The following CSGALNACT1 variants were observed in gnomAD, a reference collection of about 807,000 sequenced individuals.
CSGALNACT1 encodes chondroitin sulfate N-acetylgalactosaminyltransferase 1.
CSGALNACT1 carries 52 observed loss-of-function variants against 51.0 expected under a neutral mutation model. The observed-to-expected ratio is 1.02, with a 90% CI of 0.82 to 1.29. The LOEUF is 1.29. Among genes scored for constraint, CSGALNACT1 ranks in the 50% most tolerant of loss-of-function variants. The pLI is 0.00. For missense variants in CSGALNACT1, 935 were observed against 679.2 expected (o/e 1.38, Z -4.19); for synonymous variants, 341 against 254.4 (o/e 1.34, Z -3.24).
intron 3 of CSGALNACT1, among the ~76,000 whole-genome samples, chr8:19,516,001 G>A (rs2079451969): frequency 6.6e-6 from 1 of 152,138 alleles, no homozygotes; most frequent in Admixed American, 6.5e-5. Context: ...ATGTGGGGCT[G>A]AGTCAGCTGC....
At chr8:19,499,269 C>T (rs2076016115) in intron 4 of CSGALNACT1, among the ~76,000 whole-genome samples, 1 of 152,190 alleles carries the variant, frequency 6.6e-6, no homozygotes. Context: ...TTATCTCTAT[C>T]ATGGCATTTA....
At chr8:19,682,004 G>A (rs1204402455) in intron 1 of CSGALNACT1, among the ~76,000 whole-genome samples, 1 of 152,232 alleles carries the variant, frequency 6.6e-6, no homozygotes, top group Admixed American at 6.5e-5. Context: ...CTGCAGAGGT[G>A]TAGACAGACT....
chr8:19,410,391 G>C (rs1217587256), intron 8 of CSGALNACT1, among the ~76,000 whole-genome samples: 2 of 152,180 alleles, frequency 1.3e-5, no homozygotes, highest in African/African-American at 4.8e-5. Flanking sequence ...CGCCTTACCA[G>C]GTACATGGTT....
At chr8:19,613,233 T>C (rs564224812) in intron 1 of CSGALNACT1, among the ~76,000 whole-genome samples, 34 of 152,320 alleles carry the variant, frequency 2.2e-4, no homozygotes, top group African/African-American at 7.7e-4. Context: ...CTCTCACCTA[T>C]TTTCAAAAAC....
At chr8:19,743,378 A>C (rs2064438261) in intron 1 of CSGALNACT1, among the ~76,000 whole-genome samples, 1 of 152,206 alleles carries the variant, frequency 6.6e-6, no homozygotes, top group South Asian at 2.1e-4. Flanking sequence ...TGCACAAATG[A>C]GAAAGTACTA....
intron 3 of CSGALNACT1, among the ~76,000 whole-genome samples, chr8:19,539,701 C>T (rs1206526863): frequency 6.6e-6 from 1 of 152,178 alleles, no homozygotes; most frequent in Non-Finnish European, 1.5e-5. Flanking sequence ...ATATGTGACA[C>T]AGCAATATTT....
chr8:19,601,768 T>TAC lies in CSGALNACT1; in HGVS notation c.-416+1_-416+2dup. 2.2e-6 allele frequency: 1 copy of TAC among 453,098 alleles called. No individual in the cohort carries two copies. Among genetic ancestry groups the TAC allele is most frequent in the Non-Finnish European group, 4.4e-6 (1 of 226,402 alleles). The allele number at this position is 453,098 out of a possible 1,614,324, so 28.1% of individuals were successfully genotyped here. A position where few individuals can be genotyped will look rare whatever the true frequency, so the allele number is the denominator to read the frequency against. On this transcript the variant is annotated splice_region_variant and intron_variant, in intron 2 of 9. Coordinates refer to ENST00000454498, the Ensembl canonical transcript of CSGALNACT1. ...TGTTTCTTGAGTGAAAATGCTCACTTACCTGGGGGTTCAAGAAGGGAAGGT... is the reference window on the plus strand; with the variant it reads ...TGTTTCTTGAGTGAAAATGCTCACTTACACCTGGGGGTTCAAGAAGGGAAGGT...
chr8:19,669,688 T>C (rs985667337), intron 1 of CSGALNACT1, among the ~76,000 whole-genome samples: 2 of 152,184 alleles, frequency 1.3e-5, no homozygotes, highest in Non-Finnish European at 2.9e-5. Context: ...TTGGCCAGGC[T>C]GGTCTCAAAC....
intron 3 of CSGALNACT1, among the ~76,000 whole-genome samples, chr8:19,539,180 T>TTC (rs1554681041): frequency 1.3e-4 from 19 of 151,714 alleles, no homozygotes; most frequent in African/African-American, 4.6e-4. Flanking sequence ...AGTCAGTGGG[T>TTC]TGTGTGTGTG....
chr8:19,585,386 A>G (rs1246153183), intron 3 of CSGALNACT1: 1 of 152,148 alleles, frequency 6.6e-6, no homozygotes, highest in Admixed American at 6.5e-5. Context: ...TCATCAAAGC[A>G]CTCATGGGCC....
chr8:19,689,907 T>A (rs1010927190), intron 1 of CSGALNACT1, among the ~76,000 whole-genome samples: 4 of 152,232 alleles, frequency 2.6e-5, no homozygotes, highest in African/African-American at 9.6e-5. Context: ...GTTTTCTTGT[T>A]CCTGCTCAAG....
chr8:19,466,333 G>A (rs529691005), intron 4 of CSGALNACT1, among the ~76,000 whole-genome samples: 1 of 152,224 alleles, frequency 6.6e-6, no homozygotes, highest in Non-Finnish European at 1.5e-5. Context: ...CCAAAAGGCT[G>A]AGAAGCGATG....
chr8:19,627,393 G>A (rs1249343311), intron 1 of CSGALNACT1, among the ~76,000 whole-genome samples: 2 of 152,082 alleles, frequency 1.3e-5, no homozygotes, highest in Admixed American at 1.3e-4. Flanking sequence ...AAAAGAGGGC[G>A]TAACTATAAA....
chr8:19,743,690 C>T (rs2064459992), intron 1 of CSGALNACT1, among the ~76,000 whole-genome samples: 1 of 152,162 alleles, frequency 6.6e-6, no homozygotes, highest in Admixed American at 6.5e-5. Flanking sequence ...CTATTTTCTT[C>T]TTCCCAACAT....
chr8:19,493,491 A>G (rs967245807), intron 4 of CSGALNACT1, among the ~76,000 whole-genome samples: 1 of 152,052 alleles, frequency 6.6e-6, no homozygotes, highest in African/African-American at 2.4e-5. Context: ...CCCCATCTCC[A>G]CCAACTCCTC....
At chr8:19,713,869 G>A (rs1408187562) in intron 1 of CSGALNACT1, among the ~76,000 whole-genome samples, 1 of 152,194 alleles carries the variant, frequency 6.6e-6, no homozygotes, top group Non-Finnish European at 1.5e-5. Context: ...AGCCCCAGAT[G>A]GAGAAGGGGA....
At chr8:19,406,595 C>G (rs992132828) in intron 9 of CSGALNACT1, among the ~76,000 whole-genome samples, 2 of 118,040 alleles carry the variant, frequency 1.7e-5, no homozygotes, top group African/African-American at 6.7e-5. Flanking sequence ...CATAAACATG[C>G]GCATAATAAT....
intron 3 of CSGALNACT1, among the ~76,000 whole-genome samples, chr8:19,578,273 G>A (rs1588612407): frequency 6.6e-6 from 1 of 152,284 alleles, no homozygotes; most frequent in East Asian, 1.9e-4. Flanking sequence ...GCCCTATTAT[G>A]TGAGCTAGGC....
chr8:19,550,331 C>T (rs759976915), intron 3 of CSGALNACT1, among the ~76,000 whole-genome samples: 6 of 152,098 alleles, frequency 3.9e-5, no homozygotes, highest in Non-Finnish European at 8.8e-5. Flanking sequence ...TAAAGTGAGC[C>T]TCTTGTATCC....
Sources: allele counts gnomAD v4.1 joint callset (sites outside exome capture counted in the v4.1 genomes callset), GRCh38; gene constraint gnomAD v4.1.1; transcripts MANE v1.5; gene names NCBI Gene and HGNC (gene_info 2026-07-23, HGNC 2026-07-21).